Variants in GRK5 observed in about 807,000 individuals in gnomAD.
GRK5 encodes the protein g protein-coupled receptor kinase GRK5.
A neutral mutation model predicts 78.4 loss-of-function variants in GRK5; 40 were observed. The ratio of observed to expected loss-of-function variants is 0.51; its 90% CI spans 0.40 to 0.66. GRK5 has a LOEUF of 0.66. Among genes scored for constraint, GRK5 ranks in the 30% least tolerant of loss-of-function variants. The pLI, the probability that GRK5 is intolerant of heterozygous loss-of-function variation, is 0.00. For missense variants in GRK5, 598 were observed against 759.9 expected, an observed-to-expected ratio of 0.79 and a Z score of 2.50; for synonymous variants, 289 against 296.8, an observed-to-expected ratio of 0.97 and a Z score of 0.27.
rs1482472988 is a variant in GRK5, at chr10:119,412,259, C to T, written c.340-10907C>T. Among the ~76,000 whole-genome samples, 5 of 152,174 alleles carry T rather than the reference C, an allele frequency of 3.3e-5. No individual in the cohort carries two copies. Among genetic ancestry groups the T allele is most frequent in the Admixed American group, 2.6e-4 (4 of 15,290 alleles). ...AGTGAGAGCCTTCCAGCCTCGATCACAAGGACCTCTACCCACAGGCTGCCG... is the reference window on the plus strand; with the variant it reads ...AGTGAGAGCCTTCCAGCCTCGATCATAAGGACCTCTACCCACAGGCTGCCG... On this transcript the variant is annotated intron_variant, in intron 4 of 15. Transcript: ENST00000392870. The surrounding 1 kb of genome is among the most constrained non-coding windows in gnomAD (Gnocchi z 4.3).
At chr10:119,362,456 G>A (rs1851381106) in intron 2 of GRK5, among the ~76,000 whole-genome samples, 1 of 152,250 alleles carries the variant, frequency 6.6e-6, no homozygotes, top group Non-Finnish European at 1.5e-5. Flanking sequence ...GAACCAGGGT[G>A]TTTGTTTTAT....
chr10:119,434,843 C>A (rs1489383537), intron 8 of GRK5, among the ~76,000 whole-genome samples: 3 of 152,246 alleles, frequency 2.0e-5, no homozygotes, highest in Admixed American at 1.3e-4. Context: ...TCTGCACTGC[C>A]CTAGCAGAGG....
At chr10:119,270,205 T>A (rs1434539128) in intron 1 of GRK5, among the ~76,000 whole-genome samples, 1 of 152,246 alleles carries the variant, frequency 6.6e-6, no homozygotes, top group Non-Finnish European at 1.5e-5. Flanking sequence ...CCTCTGTTCA[T>A]CTCTTTGCCA....
At chr10:119,417,529 GTTC>G (rs1852483103) in intron 4 of GRK5, among the ~76,000 whole-genome samples, 1 of 149,956 alleles carries the variant, frequency 6.7e-6, no homozygotes, top group African/African-American at 2.5e-5. Context: ...CAGGCCCCTA[GTTC>G]TTCTCTCCAA....
At chr10:119,295,933 T>C (rs778759956) in intron 1 of GRK5, among the ~76,000 whole-genome samples, 1 of 151,944 alleles carries the variant, frequency 6.6e-6, no homozygotes, top group Admixed American at 6.5e-5. Context: ...CAATAACTTA[T>C]GGGAAAAATA....
At chr10:119,342,766 A>G (rs1851004982) in intron 2 of GRK5, among the ~76,000 whole-genome samples, 2 of 152,170 alleles carry the variant, frequency 1.3e-5, no homozygotes, top group South Asian at 4.1e-4. Flanking sequence ...CGGCTTTCAG[A>G]AGTGGCTCTT....
rs143801844 is a variant in GRK5 at position 119,343,661 on chromosome 10, G to A, written c.148+17050G>A. Among the ~76,000 whole-genome samples the A allele has an allele frequency of 1.9e-3, 295 of 152,340 alleles. 1 individual carries two copies. The highest frequency in any genetic ancestry group is 6.6e-3 in the African/African-American group (273 of 41,578). On this transcript the variant is annotated intron_variant, in intron 2 of 15. Transcript: ENST00000392870. ...CTGCTTTGGTGGGCTCTATGCAGAG[G>A]TCATGAGGCAGAAGGTCAGGGGAGG...
chr10:119,268,348 C>A (rs973547075), intron 1 of GRK5, among the ~76,000 whole-genome samples: 2 of 152,228 alleles, frequency 1.3e-5, no homozygotes, highest in African/African-American at 4.8e-5. Flanking sequence ...AGAGAATTCA[C>A]TGCCGGAGAA....
chr10:119,453,265 T>C lies in GRK5; in HGVS notation c.1663T>C (p.Phe555Leu), dbSNP rs773126542. ...CAAGAAAGGGCTGCTCCAGAGACTCTTCAAGCGGCAGGTGAGACACCCATG... is the reference window on the plus strand; with the variant it reads ...CAAGAAAGGGCTGCTCCAGAGACTCCTCAAGCGGCAGGTGAGACACCCATG... ...PPKKGLLQRL[F>L]KRQHQNNSKS... Residue 555 changes from phenylalanine (F) to leucine (L), a missense_variant, in exon 15 of 16, where the codon TTC becomes CTC. Physicochemically the swap from Phe to Leu is conservative, Grantham distance 22. Transcript: ENST00000392870. 3.1e-6 allele frequency: 5 copies of C among 1,614,018 alleles called. No individual in the cohort carries two copies. The highest frequency in any genetic ancestry group is 2.2e-5 in the South Asian group (2 of 91,088).
chr10:119,454,818 G>A (rs185548375), intron 15 of GRK5, 151 bp from the exon 16 acceptor site: 6,375 of 612,486 alleles, frequency 0.01, 74 homozygotes, highest in Non-Finnish European at 0.012. Context: ...GTGCCTCCAG[G>A]GGTGGCCCTT....
chr10:119,372,688 A>T (rs895591298), intron 2 of GRK5, among the ~76,000 whole-genome samples: 1 of 152,188 alleles, frequency 6.6e-6, no homozygotes, highest in African/African-American at 2.4e-5. Flanking sequence ...TTTTGATTTC[A>T]TTCTCTGACA....
chr10:119,444,585 C>A (rs942450964), intron 12 of GRK5, among the ~76,000 whole-genome samples: 28 of 152,168 alleles, frequency 1.8e-4, no homozygotes, highest in Non-Finnish European at 4.4e-5. Flanking sequence ...CCCAGCACAG[C>A]TGTGCTGGCA....
chr10:119,254,084 C>T (rs1418032457), intron 1 of GRK5, among the ~76,000 whole-genome samples: 1 of 152,214 alleles, frequency 6.6e-6, no homozygotes, highest in Non-Finnish European at 1.5e-5. Context: ...AAAGATGAGC[C>T]ACACATGAGG....
At chr10:119,272,928 C>G (rs1293724244) in intron 1 of GRK5, among the ~76,000 whole-genome samples, 1 of 152,194 alleles carries the variant, frequency 6.6e-6, no homozygotes. Context: ...GATTCTGGCT[C>G]TGAGCAGGCT....
At chr10:119,213,370 G>T (rs1013383163) in intron 1 of GRK5, among the ~76,000 whole-genome samples, 12 of 152,234 alleles carry the variant, frequency 7.9e-5, no homozygotes, top group African/African-American at 2.9e-4. Context: ...AATCAGCGGG[G>T]TGTGGTGGTG....
At chr10:119,246,341 GTCTATATGTGT>G (rs796565064) in intron 1 of GRK5, among the ~76,000 whole-genome samples, 16 of 152,212 alleles carry the variant, frequency 1.1e-4, no homozygotes, top group African/African-American at 3.9e-4. Flanking sequence ...CAAGAAAAAA[GTCTATATGTGT>G]TCAGTACAGA....
intron 2 of GRK5, 57 bp downstream of exon 2, chr10:119,326,668 C>A: frequency 1.4e-6 from 2 of 1,379,470 alleles, no homozygotes; most frequent in Non-Finnish European, 2.1e-6. Context: ...ATCCGCCAAG[C>A]CGTTTGTGCA....
intron 1 of GRK5, among the ~76,000 whole-genome samples, chr10:119,313,493 C>T (rs1850432824): frequency 6.6e-6 from 1 of 152,142 alleles, no homozygotes; most frequent in South Asian, 2.1e-4. Flanking sequence ...CAGGAGAAAA[C>T]ACGGAGGGAC....
intron 4 of GRK5, 98 bp from the exon 5 acceptor site, chr10:119,423,068 T>C (rs11198918): frequency 0.071 from 54,727 of 773,052 alleles, 2,899 homozygotes; most frequent in East Asian, 0.21. Flanking sequence ...TACCAGCACC[T>C]GGAGCGTGGC....
Sources: gnomAD v4.1 joint callset for allele counts (sites outside exome capture counted in the v4.1 genomes callset) on GRCh38, gnomAD v4.1.1 for gene constraint, Gnocchi (gnomAD v3.1) non-coding constraint, MANE v1.5 for transcripts, NCBI Gene and HGNC (gene_info 2026-07-23, HGNC 2026-07-21) for gene names.